Variants in STARD13 observed in about 807,000 individuals in gnomAD.
STARD13 encodes the protein StAR related lipid transfer domain containing 13.
In STARD13, 62 loss-of-function variants were observed where a neutral mutation model predicts 106.4. The ratio of observed to expected loss-of-function variants is 0.58; its 90% CI spans 0.48 to 0.72. The LOEUF is 0.72. Ranked by LOEUF, STARD13 falls within the 30% of genes least tolerant of loss-of-function variation. The probability of loss-of-function intolerance (pLI) is 0.00; values close to 1 mark genes in which losing one functional copy is unlikely to be tolerated. For synonymous variants in STARD13, 565 were observed against 553.0 expected, an observed-to-expected ratio of 1.02 and a Z score of -0.31; for missense variants, 1,387 against 1,424.0, an observed-to-expected ratio of 0.97 and a Z score of 0.42.
intron 1 of STARD13, among the ~76,000 whole-genome samples, chr13:33,292,566 A>G (rs1892335633): frequency 6.6e-6 from 1 of 151,590 alleles, no homozygotes; most frequent in Non-Finnish European, 1.5e-5. Context: ...GTGCCACTGC[A>G]TTCTAGCCTG....
chr13:33,222,981 T>C (rs1888436487), intron 1 of STARD13, among the ~76,000 whole-genome samples: 1 of 152,194 alleles, frequency 6.6e-6, no homozygotes, highest in South Asian at 2.1e-4. Flanking sequence ...AAGTGATTGG[T>C]AAATACGATA....
the STARD13 span, among the ~76,000 whole-genome samples, chr13:33,369,646 C>T: frequency 6.6e-6 from 1 of 152,114 alleles, no homozygotes; most frequent in Non-Finnish European, 1.5e-5. Flanking sequence ...GATCTGAAAG[C>T]TCACTTTCTA....
intron 1 of STARD13, among the ~76,000 whole-genome samples, chr13:33,174,468 G>C (rs909857289): frequency 2.6e-5 from 4 of 152,072 alleles, no homozygotes; most frequent in Non-Finnish European, 4.4e-5. Flanking sequence ...GATGTGACCT[G>C]TGCTAGTTTC....
chr13:33,660,390 C>T, the STARD13 span, among the ~76,000 whole-genome samples: 2 of 152,190 alleles, frequency 1.3e-5, no homozygotes, highest in Non-Finnish European at 2.9e-5. Flanking sequence ...TACAATAATT[C>T]CACATCAGTA....
chr13:33,553,592 T>C, the STARD13 span, among the ~76,000 whole-genome samples: 5 of 151,622 alleles, frequency 3.3e-5, no homozygotes, highest in African/African-American at 9.7e-5. Flanking sequence ...ACTTTTTTTT[T>C]TTTTTTGAGA....
the STARD13 span, among the ~76,000 whole-genome samples, chr13:33,432,377 A>G: frequency 2.0e-5 from 3 of 151,964 alleles, no homozygotes; most frequent in Non-Finnish European, 4.4e-5. Flanking sequence ...GATTTTTTTT[A>G]ACATCTGCTC....
At chr13:33,416,375 GT>G in the STARD13 span, among the ~76,000 whole-genome samples, 1 of 152,206 alleles carries the variant, frequency 6.6e-6, no homozygotes, top group African/African-American at 2.4e-5. Context: ...TTGAGTAGGA[GT>G]TTGGCAGGCA....
At chr13:33,353,775 C>G (rs2078101434), upstream of STARD13, among the ~76,000 whole-genome samples, 3 of 152,316 alleles carry the variant, frequency 2.0e-5, no homozygotes, top group South Asian at 6.2e-4. Context: ...AGCTCCTTCT[C>G]ACGGCATCCA....
the STARD13 span, among the ~76,000 whole-genome samples, chr13:33,362,515 A>G: frequency 6.6e-6 from 1 of 152,222 alleles, no homozygotes; most frequent in African/African-American, 2.4e-5. Context: ...TTTGGATTTA[A>G]TGGATTTTAT....
intron 7 of STARD13, among the ~76,000 whole-genome samples, chr13:33,118,984 T>C (rs1467932157): frequency 6.6e-6 from 1 of 152,142 alleles, no homozygotes. Flanking sequence ...TATTGTCATA[T>C]CATGCCTTTT....
intron 1 of STARD13, among the ~76,000 whole-genome samples, chr13:33,282,470 T>C (rs1476641289): frequency 1.3e-5 from 2 of 152,214 alleles, no homozygotes; most frequent in African/African-American, 4.8e-5. Context: ...TATTGAATCA[T>C]GTGCACGCCA....
intron 1 of STARD13, among the ~76,000 whole-genome samples, chr13:33,251,359 C>T (rs1890087753): frequency 6.6e-6 from 1 of 152,118 alleles, no homozygotes; most frequent in Non-Finnish European, 1.5e-5. Context: ...GCCTTATGCT[C>T]GCTGCATTGC....
At chr13:33,517,233 T>C in the STARD13 span, among the ~76,000 whole-genome samples, 1 of 152,060 alleles carries the variant, frequency 6.6e-6, no homozygotes, top group Non-Finnish European at 1.5e-5. Flanking sequence ...CCTCTTTTTT[T>C]GTCCCATGGG....
At chr13:33,380,192 C>A in the STARD13 span, among the ~76,000 whole-genome samples, 1 of 152,018 alleles carries the variant, frequency 6.6e-6, no homozygotes. Context: ...TCAAGACTAG[C>A]CTTACCAACG....
the STARD13 span, among the ~76,000 whole-genome samples, chr13:33,518,427 C>T: frequency 2.0e-5 from 3 of 152,090 alleles, no homozygotes; most frequent in Admixed American, 1.3e-4. Flanking sequence ...CTCCTGAAAT[C>T]CACCAAGATA....
intron 1 of STARD13, among the ~76,000 whole-genome samples, chr13:33,299,451 A>G (rs1311451329): frequency 6.6e-6 from 1 of 152,234 alleles, no homozygotes; most frequent in Non-Finnish European, 1.5e-5. Context: ...AATGCACCTC[A>G]AATTCAAATT....
At chr13:33,370,853 T>C in the STARD13 span, among the ~76,000 whole-genome samples, 7 of 152,176 alleles carry the variant, frequency 4.6e-5, no homozygotes, top group Middle Eastern at 3.4e-3. Context: ...ACTCCTGACC[T>C]CAGGTGATCC....
At chr13:33,486,026 C>G in the STARD13 span, among the ~76,000 whole-genome samples, 3 of 152,166 alleles carry the variant, frequency 2.0e-5, no homozygotes, top group Admixed American at 2.0e-4. Context: ...CCTTGACTGA[C>G]TGCTTATAAA....
chr13:33,623,759 T>TA, the STARD13 span, among the ~76,000 whole-genome samples: 2 of 152,078 alleles, frequency 1.3e-5, no homozygotes, highest in African/African-American at 4.8e-5. Flanking sequence ...TACCTGTCTA[T>TA]ATACTAAAAA....
Sources: allele counts gnomAD v4.1 joint callset (sites outside exome capture counted in the v4.1 genomes callset), GRCh38; gene constraint gnomAD v4.1.1; transcripts MANE v1.5; gene names NCBI Gene and HGNC (gene_info 2026-07-23, HGNC 2026-07-21).